The following NUDCD3 variants were observed in gnomAD, a reference collection of about 807,000 sequenced individuals.
NUDCD3 encodes NudC domain containing 3, also known as nudC domain-containing protein 3.
In NUDCD3, 13 loss-of-function variants were observed where a neutral mutation model predicts 39.7. The ratio of observed to expected loss-of-function variants is 0.33; its 90% CI spans 0.21 to 0.52. The LOEUF (loss-of-function observed/expected upper bound fraction) is 0.52. Ranked by LOEUF, NUDCD3 falls within the 20% of genes least tolerant of loss-of-function variation. The pLI, the probability that NUDCD3 is intolerant of heterozygous loss-of-function variation, is 0.96. For synonymous variants in NUDCD3, 175 were observed against 172.4 expected (o/e 1.02, Z -0.12); for missense variants, 453 against 458.1 (o/e 0.99, Z 0.10).
intron 5 of NUDCD3, among the ~76,000 whole-genome samples, chr7:44,387,625 A>G (rs1009475728): frequency 6.6e-6 from 1 of 152,156 alleles, no homozygotes; most frequent in Non-Finnish European, 1.5e-5. Flanking sequence ...TGTAGGGCAA[A>G]TGACACCTGT....
At position 44,489,670 on chromosome 7, in the gene NUDCD3, C is replaced by G. The variant is rs307008; in HGVS notation, c.192+739G>C. Among the ~76,000 whole-genome samples, 1,321 of 152,278 alleles carry G rather than the reference C, an allele frequency of 8.7e-3. 17 individuals are homozygous for G. Among genetic ancestry groups the G allele is most frequent in the African/African-American group, 0.03 (1,246 of 41,532 alleles). ...TTCCTTTCTTTACAATGGGCTCCAT[C>G]AAATAATTGCCCTTAAAAAGTTTTC... On this transcript the variant is annotated intron_variant, in intron 1 of 5. Transcript: ENST00000355451.
intron 2 of NUDCD3, among the ~76,000 whole-genome samples, chr7:44,445,225 T>C (rs1016401004): frequency 3.9e-5 from 6 of 152,228 alleles, no homozygotes; most frequent in African/African-American, 1.2e-4. Context: ...GTATCCTTTC[T>C]ACATCCCCTA....
chr7:44,484,913 C>G (rs1031452504), intron 2 of NUDCD3, 55 bp downstream of exon 2: 220 of 1,329,278 alleles, frequency 1.7e-4, no homozygotes, highest in Non-Finnish European at 2.2e-4. Context: ...ATGGAGAAAC[C>G]CAAACACCAG....
chr7:44,400,496 C>T (rs1798701289), intron 4 of NUDCD3, among the ~76,000 whole-genome samples: 1 of 152,228 alleles, frequency 6.6e-6, no homozygotes, highest in African/African-American at 2.4e-5. Flanking sequence ...CATCCCTTTG[C>T]ATCCTTCTCA....
rs530418925 is a variant in NUDCD3 at position 44,472,881 on chromosome 7, C to A, written c.509+12087G>T. Among the ~76,000 whole-genome samples, 48 of 152,310 alleles carry A rather than the reference C, an allele frequency of 3.2e-4. No homozygotes were observed. The South Asian group carries it at 8.9e-3, about 28-fold the overall frequency. On this transcript the variant is annotated intron_variant, in intron 2 of 5. Transcript: ENST00000355451. ...ACCTAGCAACCTAGCAGTGAGAGAA[C>A]AGACACAAACTCCCTGAGGCCAATT...
At chr7:44,483,695 T>A (rs1563191336) in intron 2 of NUDCD3, among the ~76,000 whole-genome samples, 1 of 152,212 alleles carries the variant, frequency 6.6e-6, no homozygotes. Context: ...CAAAACTTAT[T>A]TTCTCTTACT....
At chr7:44,434,296 G>C (rs1204058608) in intron 2 of NUDCD3, among the ~76,000 whole-genome samples, 1 of 152,124 alleles carries the variant, frequency 6.6e-6, no homozygotes, top group Non-Finnish European at 1.5e-5. Context: ...CCTGGGCCTT[G>C]GTCTTGGCCT....
chr7:44,440,035 T>A (rs2116920549), intron 2 of NUDCD3, among the ~76,000 whole-genome samples: 1 of 152,290 alleles, frequency 6.6e-6, no homozygotes, highest in Non-Finnish European at 1.5e-5. Flanking sequence ...TCCTCCATCC[T>A]CCTAGGAAGC....
chr7:44,469,889 GAA>G (rs1383867754), intron 2 of NUDCD3, among the ~76,000 whole-genome samples: 2 of 151,542 alleles, frequency 1.3e-5, no homozygotes, highest in African/African-American at 4.8e-5. Flanking sequence ...TCAAGGTCAT[GAA>G]AAGACTAAGA....
intron 2 of NUDCD3, among the ~76,000 whole-genome samples, chr7:44,446,302 G>T (rs1443636867): frequency 6.6e-6 from 1 of 152,150 alleles, no homozygotes; most frequent in Non-Finnish European, 1.5e-5. Context: ...AACTTGGAAG[G>T]GAATGGCCAC....
At chr7:44,387,164 C>T (rs531488979) in intron 5 of NUDCD3, among the ~76,000 whole-genome samples, 11 of 152,106 alleles carry the variant, frequency 7.2e-5, no homozygotes, top group South Asian at 6.2e-4. Context: ...TTTCTTTTTC[C>T]TGTTTTTATT....
intron 2 of NUDCD3, among the ~76,000 whole-genome samples, chr7:44,445,744 T>C (rs978041999): frequency 6.6e-6 from 1 of 152,226 alleles, no homozygotes; most frequent in Non-Finnish European, 1.5e-5. Context: ...TTTCAGCTGA[T>C]GTAAAGCTCT....
intron 2 of NUDCD3, among the ~76,000 whole-genome samples, chr7:44,433,926 T>A (rs1458859200): frequency 6.6e-6 from 1 of 151,928 alleles, no homozygotes; most frequent in Non-Finnish European, 1.5e-5. Context: ...CACAAATGAA[T>A]CCTCCTCCTC....
intron 3 of NUDCD3, chr7:44,426,227 G>GCCTTT: frequency 1.1e-6 from 1 of 917,284 alleles, no homozygotes; most frequent in Non-Finnish European, 1.3e-6. Context: ...GTTGCTGAGG[G>GCCTTT]GAACAAAGGC....
chr7:44,391,148 A>C (rs188505451), intron 5 of NUDCD3, among the ~76,000 whole-genome samples: 1 of 152,040 alleles, frequency 6.6e-6, no homozygotes, highest in Admixed American at 6.5e-5. Context: ...TTGTGGGGGG[A>C]AAAAAACAAA....
At chr7:44,438,531 C>T (rs937794933) in intron 2 of NUDCD3, among the ~76,000 whole-genome samples, 1 of 152,066 alleles carries the variant, frequency 6.6e-6, no homozygotes, top group Admixed American at 6.6e-5. Flanking sequence ...AGACGTTGCA[C>T]CAATCCTAGA....
At chr7:44,442,854 CCTGG>C (rs1312971884) in intron 2 of NUDCD3, among the ~76,000 whole-genome samples, 1 of 152,068 alleles carries the variant, frequency 6.6e-6, no homozygotes, top group Non-Finnish European at 1.5e-5. Context: ...CACCACTGCG[CCTGG>C]CTAAATTTTT....
intron 2 of NUDCD3, among the ~76,000 whole-genome samples, chr7:44,433,367 A>C (rs1799402559): frequency 6.6e-6 from 1 of 152,022 alleles, no homozygotes; most frequent in South Asian, 2.1e-4. Flanking sequence ...GTGTGCATAC[A>C]ATGTGTGTGT....
chr7:44,487,141 T>A (rs189948225), intron 1 of NUDCD3, among the ~76,000 whole-genome samples: 1 of 152,322 alleles, frequency 6.6e-6, no homozygotes. Context: ...GTCTAAACGA[T>A]TTTTGTCTTA....
Sources: allele counts gnomAD v4.1 joint callset (sites outside exome capture counted in the v4.1 genomes callset), GRCh38; gene constraint gnomAD v4.1.1; transcripts MANE v1.5; gene names NCBI Gene and HGNC (gene_info 2026-07-23, HGNC 2026-07-21).